NIPSNAP3B: variants seen among roughly 807,000 people sequenced by gnomAD.
NIPSNAP3B encodes the protein nipsnap homolog 3B.
In NIPSNAP3B, 30 loss-of-function variants were observed where a neutral mutation model predicts 31.5. That is an observed-to-expected ratio of 0.95 (90% CI 0.71 to 1.29). NIPSNAP3B has a LOEUF of 1.29. Among genes scored for constraint, NIPSNAP3B ranks in the 50% most tolerant of loss-of-function variants. NIPSNAP3B has a pLI of 0.00. For missense variants in NIPSNAP3B, 269 were observed against 300.7 expected, an observed-to-expected ratio of 0.89 and a Z score of 0.78; for synonymous variants, 106 against 107.9, an observed-to-expected ratio of 0.98 and a Z score of 0.11.
chr9:104,769,453 CAA>C (rs34083177), intron 3 of NIPSNAP3B, among the ~76,000 whole-genome samples: 4 of 109,460 alleles, frequency 3.7e-5, no homozygotes, highest in Non-Finnish European at 5.3e-5. Flanking sequence ...GACTCCGTCT[CAA>C]AAAAAAAAAA....
chr9:104,764,403 G>A (rs1828046757), intron 1 of NIPSNAP3B, 103 bp downstream of exon 1: 1 of 1,032,800 alleles, frequency 9.7e-7, no homozygotes, highest in Non-Finnish European at 1.3e-6. Flanking sequence ...CCCAGACCTG[G>A]GGCCCCGCGC....
chr9:104,787,826 A>G, the NIPSNAP3B span: 1 of 1,612,766 alleles, frequency 6.2e-7, no homozygotes, highest in South Asian at 1.1e-5. Flanking sequence ...AAGACAAGCC[A>G]ATCATACAAC....
chr9:104,773,173 G>A lies in NIPSNAP3B; in HGVS notation c.*100G>A. ...GAGGTTCTCGCTTTTATTTGAAGGA[G>A]GTGGTAAGTTAATTAGTTAATTTGC... On this transcript the variant is annotated 3_prime_UTR_variant, in exon 6 of 6. Transcript: ENST00000374762. The A allele has an allele frequency of 2.5e-6, 3 of 1,177,428 alleles. No individual in the cohort carries two copies. The South Asian group carries it at 4.1e-5, about 16-fold the overall frequency. 72.9% of individuals were successfully genotyped at this position (1,177,428 alleles called of 1,614,324 possible).
At chr9:104,788,173 T>G in the NIPSNAP3B span, 3 of 1,261,908 alleles carry the variant, frequency 2.4e-6, no homozygotes, top group South Asian at 2.4e-5. Flanking sequence ...AATCATAACC[T>G]GACAACTGGT....
At chr9:104,782,025 C>T (rs139730819), downstream of NIPSNAP3B, 2 of 152,240 alleles carry the variant, frequency 1.3e-5, no homozygotes, top group East Asian at 3.9e-4. Flanking sequence ...CAAAATAGTT[C>T]ACAGTGCCTT....
At chr9:104,790,715 A>C in the NIPSNAP3B span, among the ~76,000 whole-genome samples, 1 of 152,250 alleles carries the variant, frequency 6.6e-6, no homozygotes, top group Non-Finnish European at 1.5e-5. Context: ...TTAAAAGAAG[A>C]GAATGAGACT....
At chr9:104,771,660 G>T (rs1306332875) in intron 4 of NIPSNAP3B, among the ~76,000 whole-genome samples, 1 of 152,114 alleles carries the variant, frequency 6.6e-6, no homozygotes, top group East Asian at 1.9e-4. Flanking sequence ...CCAAGTTTTT[G>T]CTATTGTGAA....
Position 104,764,186 on chromosome 9 carries a change from G to A in NIPSNAP3B, c.-55G>A. On this transcript the variant is annotated 5_prime_UTR_variant, in exon 1 of 6. Coordinates refer to ENST00000374762, the MANE Select transcript of NIPSNAP3B (RefSeq NM_018376.4). Reference sequence around the variant, plus strand: ...CTTTTTTCCACTCGGGAAGACTTCAGAGAAGTCTCACAAAGGACTCGGCTG... The same window carrying A: ...CTTTTTTCCACTCGGGAAGACTTCAAAGAAGTCTCACAAAGGACTCGGCTG... 1 of 1,504,914 alleles carries A rather than the reference G, an allele frequency of 6.6e-7. No individual in the cohort carries two copies. Among genetic ancestry groups the A allele is most frequent in the Non-Finnish European group, 9.1e-7 (1 of 1,100,978 alleles). 93.2% of individuals were successfully genotyped at this position (1,504,914 alleles called of 1,614,324 possible).
At chr9:104,764,402 G>A in intron 1 of NIPSNAP3B, 102 bp downstream of exon 1, 1 of 1,027,942 alleles carries the variant, frequency 9.7e-7, no homozygotes, top group Non-Finnish European at 1.4e-6. Flanking sequence ...TCCCAGACCT[G>A]GGGCCCCGCG....
At chr9:104,785,608 T>C in the NIPSNAP3B span, 4 of 1,613,992 alleles carry the variant, frequency 2.5e-6, no homozygotes, top group African/African-American at 4.0e-5. Context: ...GACCCTGCTA[T>C]TCGTACAACT....
At chr9:104,769,119 T>G in intron 3 of NIPSNAP3B, 98 bp downstream of exon 3, 2 of 856,290 alleles carry the variant, frequency 2.3e-6, no homozygotes, top group Non-Finnish European at 3.4e-6. Context: ...AATATATAAT[T>G]CTTTGTTTTA....
In NIPSNAP3B at chr9:104,764,307, G is replaced by T; in HGVS notation, c.60+7G>T. 1.3e-6 allele frequency: 2 copies of T among 1,575,540 alleles called. No homozygotes were observed. Among genetic ancestry groups the T allele is most frequent in the Non-Finnish European group, 1.7e-6 (2 of 1,163,332 alleles). The stretch of plus-strand genomic sequence containing the variant: ...ACGGACGCTCGCGCCTCAGGTACTG[G>T]CCGCGGGGGCGCGCCCGAGCCCTGG... On this transcript the variant is annotated splice_region_variant and intron_variant, in intron 1 of 5. Transcript: ENST00000374762.
chr9:104,782,683 A>G (rs1049742181), downstream of NIPSNAP3B: 1 of 152,196 alleles, frequency 6.6e-6, no homozygotes, highest in African/African-American at 2.4e-5. Context: ...GTCAGATTTA[A>G]TGGGGTATCC....
rs1418984598 is a variant in NIPSNAP3B, at chr9:104,774,249, C to CA, written c.*1179dup. ...AGCTGTCCAAGGGCAATTTGGAAAA[C>CA]AAACTGTACAGTTTCCTCTCATTTA... is the stretch of plus-strand genomic sequence containing the variant. On this transcript the variant is annotated 3_prime_UTR_variant, in exon 6 of 6. Coordinates refer to ENST00000374762, the MANE Select transcript of NIPSNAP3B (RefSeq NM_018376.4). 6.6e-6 allele frequency among the ~76,000 whole-genome samples: 1 copy of CA among 152,140 alleles called. No individual in the cohort carries two copies. The highest frequency in any genetic ancestry group is 1.5e-5 in the Non-Finnish European group (1 of 68,020).
chr9:104,776,917 T>C lies in NIPSNAP3B; in HGVS notation c.*3844T>C, dbSNP rs931929404. Among the ~76,000 whole-genome samples, 2 of 152,198 alleles carry C rather than the reference T, an allele frequency of 1.3e-5. No homozygotes were observed. Among genetic ancestry groups the C allele is most frequent in the African/African-American group, 2.4e-5 (1 of 41,456 alleles). On this transcript the variant is annotated 3_prime_UTR_variant, in exon 6 of 6. Coordinates refer to ENST00000374762, the MANE Select transcript of NIPSNAP3B (RefSeq NM_018376.4). ...AAAAGAAGTACATCATTCCTTCACATGTCATTTTGAGCCACTGTTAACAGA... is the reference window on the plus strand; with the variant it reads ...AAAAGAAGTACATCATTCCTTCACACGTCATTTTGAGCCACTGTTAACAGA...
At chr9:104,788,593 G>T in the NIPSNAP3B span, 1 of 1,613,620 alleles carries the variant, frequency 6.2e-7, no homozygotes, top group Non-Finnish European at 8.5e-7. Flanking sequence ...AAACTACTTA[G>T]ATTTTAAGCA....
chr9:104,787,892 A>G, the NIPSNAP3B span: 3 of 1,613,856 alleles, frequency 1.9e-6, no homozygotes, highest in Non-Finnish European at 2.5e-6. Context: ...GGCCAGAACA[A>G]CAGTTTTCCA....
Position 104,776,495 on chromosome 9 carries a change from G to A in NIPSNAP3B, c.*3422G>A, listed in dbSNP as rs1049804614. On this transcript the variant is annotated 3_prime_UTR_variant, in exon 6 of 6. Transcript: ENST00000374762. ...AGGTCATGTGGGTAATAGAATTAGT[G>A]CATTTATAAGGGCGTGAAGAGCCCT... is the stretch of plus-strand genomic sequence containing the variant. Among the ~76,000 whole-genome samples the A allele has an allele frequency of 1.3e-5, 2 of 152,162 alleles. No individual in the cohort carries two copies. Among genetic ancestry groups the A allele is most frequent in the African/African-American group, 4.8e-5 (2 of 41,424 alleles).
chr9:104,786,233 C>T, the NIPSNAP3B span: 1 of 1,317,992 alleles, frequency 7.6e-7, no homozygotes, highest in Non-Finnish European at 1.1e-6. Context: ...CATTTATATA[C>T]TCACAAAAGA....
Sources: gnomAD v4.1 joint callset for allele counts (sites outside exome capture counted in the v4.1 genomes callset) on GRCh38, gnomAD v4.1.1 for gene constraint, MANE v1.5 for transcripts, NCBI Gene and HGNC (gene_info 2026-07-23, HGNC 2026-07-21) for gene names.